PLEKHA2: variants seen among roughly 807,000 people sequenced by gnomAD.
The protein encoded by PLEKHA2 is pleckstrin homology domain containing A2.
A neutral mutation model predicts 53.2 loss-of-function variants in PLEKHA2; 28 were observed. The observed-to-expected ratio is 0.53, with a 90% CI of 0.39 to 0.72. PLEKHA2 has a LOEUF of 0.72. PLEKHA2 is among the 30% of genes least tolerant of loss of function. The pLI is 0.00. For missense variants in PLEKHA2, 426 were observed against 537.9 expected (o/e 0.79, Z 2.06); for synonymous variants, 193 against 196.4 (o/e 0.98, Z 0.14).
At chr8:38,951,131 A>G in intron 6 of PLEKHA2, 141 bp downstream of exon 6, 3 of 743,898 alleles carry the variant, frequency 4.0e-6, no homozygotes, top group Non-Finnish European at 6.1e-6. Flanking sequence ...CCATCAGGAA[A>G]GTACAGGTCA....
Position 38,950,870 on chromosome 8 carries a change from A to G in PLEKHA2, c.366A>G (p.Leu122=), listed in dbSNP as rs760239897. The G allele has an allele frequency of 1.4e-5, 22 of 1,613,856 alleles. No individual in the cohort carries two copies. The highest frequency in any genetic ancestry group is 1.7e-5 in the Non-Finnish European group (20 of 1,179,798). The change falls in exon 6 of 12, where the codon CTA becomes CTG. Residue 122 remains leucine, a synonymous_variant. Coordinates refer to ENST00000617275, the MANE Select transcript of PLEKHA2 (RefSeq NM_021623.2). ...CCCAGGTTCCCAAAGGTGGGGGCCT[A>G]CCCATGACCACTGAAGTTCTCAAGA... The part of the protein sequence containing the change: ...SKITVPKGGG[L]PMTTEVLKSL...
At chr8:38,905,835 C>T (rs947584304) in intron 1 of PLEKHA2, among the ~76,000 whole-genome samples, 1 of 152,038 alleles carries the variant, frequency 6.6e-6, no homozygotes, top group African/African-American at 2.4e-5. Context: ...CAGGCGCATG[C>T]CACCACGCCC....
rs533710466 is a variant in PLEKHA2 at position 38,935,566 on chromosome 8, G to A, written c.142-428G>A. Among the ~76,000 whole-genome samples the A allele has an allele frequency of 8.2e-4, 125 of 152,060 alleles. 1 individual carries two copies. Among genetic ancestry groups the A allele is most frequent in the African/African-American group, 2.8e-3 (118 of 41,482 alleles). ...TCCATGGAGGTGGGACTGCAAGTGT[G>A]AGCCTCCATACCCAGCTAATTTTTA... On this transcript the variant is annotated intron_variant, in intron 2 of 11. Coordinates refer to ENST00000617275, the MANE Select transcript of PLEKHA2 (RefSeq NM_021623.2).
At chr8:38,920,306 A>G (rs1471967879) in intron 2 of PLEKHA2, among the ~76,000 whole-genome samples, 1 of 151,726 alleles carries the variant, frequency 6.6e-6, no homozygotes, top group African/African-American at 2.4e-5. Context: ...ACCCGCCACC[A>G]CGCCCAGCTA....
At chr8:38,928,992 C>G (rs1347281978) in intron 2 of PLEKHA2, among the ~76,000 whole-genome samples, 2 of 152,192 alleles carry the variant, frequency 1.3e-5, no homozygotes, top group East Asian at 3.9e-4. Flanking sequence ...GGGGCAGCGG[C>G]AGCTATGCTC....
At chr8:38,933,196 G>A (rs906020815) in intron 2 of PLEKHA2, among the ~76,000 whole-genome samples, 6 of 152,130 alleles carry the variant, frequency 3.9e-5, no homozygotes, top group Non-Finnish European at 7.4e-5. Context: ...GTGCAACAGC[G>A]GCCCTGAGAT....
At chr8:38,904,678 T>C (rs2152363112) in intron 1 of PLEKHA2, among the ~76,000 whole-genome samples, 1 of 152,344 alleles carries the variant, frequency 6.6e-6, no homozygotes, top group Non-Finnish European at 1.5e-5. Flanking sequence ...ATGTGGTGTT[T>C]CTTGGAGTAG....
chr8:38,946,272 A>G, intron 5 of PLEKHA2, 51 bp downstream of exon 5: 1 of 1,474,068 alleles, frequency 6.8e-7, no homozygotes, highest in Non-Finnish European at 9.3e-7. Flanking sequence ...GCCTCTTCCC[A>G]GGCTATGGCC....
At chr8:38,948,526 A>G (rs1182493981) in intron 5 of PLEKHA2, among the ~76,000 whole-genome samples, 1 of 152,076 alleles carries the variant, frequency 6.6e-6, no homozygotes, top group African/African-American at 2.4e-5. Flanking sequence ...CCTGATTTGG[A>G]GGGGTAGGGA....
intron 10 of PLEKHA2, among the ~76,000 whole-genome samples, chr8:38,964,632 A>T (rs568403280): frequency 6.6e-6 from 1 of 152,138 alleles, no homozygotes; most frequent in South Asian, 2.1e-4. Context: ...GGTGAACCAT[A>T]GTATATCTAC....
chr8:38,952,105 A>G (rs529463368), intron 6 of PLEKHA2, 61 bp from the exon 7 acceptor site: 1 of 1,555,446 alleles, frequency 6.4e-7, no homozygotes, highest in East Asian at 2.3e-5. Context: ...AGAGGGAGGT[A>G]GGTGGGGCTG....
Position 38,944,168 on chromosome 8 carries a change from A to C in PLEKHA2, c.247+331A>C, listed in dbSNP as rs115746072. On this transcript the variant is annotated intron_variant, in intron 4 of 11. Coordinates refer to ENST00000617275, the MANE Select transcript of PLEKHA2 (RefSeq NM_021623.2). ...ATAGAGTAATTAGCATATCTATATT[A>C]GTCTGTTCTTGAACTGCTATAAAGA... 7.9e-3 allele frequency among the ~76,000 whole-genome samples: 1,204 copies of C among 152,188 alleles called. 20 individuals are homozygous for C. Among genetic ancestry groups the C allele is most frequent in the African/African-American group, 0.027 (1,108 of 41,510 alleles).
chr8:38,927,015 G>C (rs115759009), intron 2 of PLEKHA2, among the ~76,000 whole-genome samples: 1 of 152,328 alleles, frequency 6.6e-6, no homozygotes, highest in African/African-American at 2.4e-5. Context: ...AGTCCAAGCA[G>C]CTAAACAGAT....
chr8:38,951,031 G>A, intron 6 of PLEKHA2, 41 bp downstream of exon 6: 1 of 1,588,994 alleles, frequency 6.3e-7, no homozygotes, highest in Non-Finnish European at 8.6e-7. Flanking sequence ...GTGGGGGTGT[G>A]GAAGTGTCCA....
chr8:38,917,853 T>C, intron 1 of PLEKHA2, 54 bp from the exon 2 acceptor site: 2 of 1,562,416 alleles, frequency 1.3e-6, no homozygotes, highest in Non-Finnish European at 1.7e-6. Context: ...CTGCAGGTCC[T>C]GAGGCAGAGC....
At chr8:38,946,368 T>C (rs1490578989) in intron 5 of PLEKHA2, 147 bp downstream of exon 5, 1 of 658,666 alleles carries the variant, frequency 1.5e-6, no homozygotes, top group East Asian at 2.8e-5. Flanking sequence ...CCTCGTCTTT[T>C]TCCTTGGCTG....
chr8:38,948,865 G>GT (rs963937192), intron 5 of PLEKHA2, among the ~76,000 whole-genome samples: 12 of 151,602 alleles, frequency 7.9e-5, no homozygotes, highest in South Asian at 4.2e-4. Flanking sequence ...ACATTCAGCT[G>GT]TTTTTTTGTT....
chr8:38,964,296 G>C (rs1835093106), intron 10 of PLEKHA2, among the ~76,000 whole-genome samples: 1 of 152,178 alleles, frequency 6.6e-6, no homozygotes, highest in East Asian at 1.9e-4. Context: ...CTGGTCCATG[G>C]CCTGTTAGGA....
In PLEKHA2 at chr8:38,969,854, C is replaced by T. The variant is rs945060183; in HGVS notation, c.*71C>T. The T allele has an allele frequency of 8.5e-6, 13 of 1,531,082 alleles. No homozygotes were observed. The highest frequency in any genetic ancestry group is 2.4e-5 in the East Asian group (1 of 40,862). 94.8% of individuals were successfully genotyped at this position (1,531,082 alleles called of 1,614,324 possible). On this transcript the variant is annotated 3_prime_UTR_variant, in exon 12 of 12. Coordinates refer to ENST00000617275, the MANE Select transcript of PLEKHA2 (RefSeq NM_021623.2). ...AGAAGGAGGCTGTGACTCAGTTTCT[C>T]TACCTTGTTGGAGGGTAGTCAGAGG... is the stretch of plus-strand genomic sequence containing the variant.
Sources: gnomAD v4.1 joint callset for allele counts (sites outside exome capture counted in the v4.1 genomes callset) on GRCh38, gnomAD v4.1.1 for gene constraint, MANE v1.5 for transcripts, NCBI Gene and HGNC (gene_info 2026-07-23, HGNC 2026-07-21) for gene names.